POLRMT: variants seen among roughly 807,000 people sequenced by gnomAD.
The protein encoded by POLRMT is RNA polymerase mitochondrial, also known as DNA-directed RNA polymerase, mitochondrial.
Under a neutral mutation model 132.2 loss-of-function variants are expected in POLRMT, and 114 were observed. That is an observed-to-expected ratio of 0.86 (90% CI 0.74 to 1.01). POLRMT has a LOEUF of 1.01. Ranked by LOEUF, POLRMT falls within the 50% of genes least tolerant of loss-of-function variation. POLRMT has a pLI of 0.00. For missense variants in POLRMT, 2,003 were observed against 1,729.1 expected, an observed-to-expected ratio of 1.16 and a Z score of -2.81; for synonymous variants, 1,020 against 773.4, an observed-to-expected ratio of 1.32 and a Z score of -5.29.
rs150912563 is a variant in POLRMT, at chr19:625,990, C to T, written c.823-736G>A. Among the ~76,000 whole-genome samples, 57 of 152,180 alleles carry T rather than the reference C, an allele frequency of 3.7e-4. No homozygotes were observed. In the East Asian group the frequency reaches 8.7e-3, roughly 23 times the overall value. ...TGCTGGGATGACAGGTGTGCACCAC[C>T]GCGCCCGGCCATCACCTTTCCGAAT... On this transcript the variant is annotated intron_variant, in intron 3 of 20. Coordinates refer to ENST00000588649, the MANE Select transcript of POLRMT (RefSeq NM_005035.4).
intron 3 of POLRMT, among the ~76,000 whole-genome samples, chr19:626,248 T>A (rs955971586): frequency 1.3e-4 from 20 of 151,530 alleles, no homozygotes; most frequent in Non-Finnish European, 2.9e-4. Flanking sequence ...GCCTCCCGGG[T>A]TCAACCGATT....
intron 13 of POLRMT, 65 bp downstream of exon 13, chr19:619,521 A>T: frequency 6.3e-7 from 1 of 1,587,930 alleles, no homozygotes; most frequent in Middle Eastern, 1.8e-4. Flanking sequence ...GGTCGGGGGC[A>T]CACCCGTCTG....
At chr19:623,340 C>A (rs962976867) in intron 6 of POLRMT, 114 bp downstream of exon 6, 2 of 1,479,062 alleles carry the variant, frequency 1.4e-6, no homozygotes, top group Non-Finnish European at 1.8e-6. Flanking sequence ...GGCGGACACG[C>A]GACCCCGGCT....
rs57880842 is a variant in POLRMT, at chr19:633,529, G to GGCGCCGCCGCCGCCGCCGCCGCCACC, written c.-18_-17insGGTGGCGGCGGCGGCGGCGGCGGCGC. The GGCGCCGCCGCCGCCGCCGCCGCCACC allele has an allele frequency of 1.4e-6, 2 of 1,463,904 alleles. No homozygotes were observed. The highest frequency in any genetic ancestry group is 1.8e-6 in the Non-Finnish European group (2 of 1,110,048). The allele number at this position is 1,463,904 out of a possible 1,614,324, so 90.7% of individuals were successfully genotyped here. A position where few individuals can be genotyped will look rare whatever the true frequency, so the allele number is the denominator to read the frequency against. On this transcript the variant is annotated 5_prime_UTR_variant, in exon 1 of 21. Transcript: ENST00000588649. ...TGCCGACATTACGCACGCCGCTCCA[G>GGCGCCGCCGCCGCCGCCGCCGCCACC]GCCACCCCACCGGCCCGCGCCTGCG...
chr19:628,953 G>A (rs182150275), intron 3 of POLRMT, among the ~76,000 whole-genome samples: 174 of 152,162 alleles, frequency 1.1e-3, no homozygotes, highest in African/African-American at 3.3e-3. Flanking sequence ...GCCATGAGCC[G>A]AGATCGCACC....
Position 621,085 on chromosome 19 carries a change from G to A in POLRMT, c.2613C>T (p.Ile871=), listed in dbSNP as rs779134507. 1.6e-5 allele frequency: 26 copies of A among 1,609,018 alleles called. No individual in the cohort carries two copies. The highest frequency in any genetic ancestry group is 7.7e-5 in the South Asian group (7 of 90,870). The change falls in exon 10 of 21, where the codon ATC becomes ATT. Residue 871 remains isoleucine (I), a synonymous_variant. Coordinates refer to ENST00000588649, the MANE Select transcript of POLRMT (RefSeq NM_005035.4). ...LAFAEEVMDD[I]LDSADQPLTG... Reference sequence around the variant, plus strand: ...TCAAGGGTTGGTCCGCGGAGTCCAGGATGTCATCCATCACCTCCTCCGCAA... The same window carrying A: ...TCAAGGGTTGGTCCGCGGAGTCCAGAATGTCATCCATCACCTCCTCCGCAA...
chr19:625,046 C>G, intron 4 of POLRMT, 78 bp downstream of exon 4: 1 of 1,532,436 alleles, frequency 6.5e-7, no homozygotes, highest in South Asian at 1.2e-5. Context: ...CCCCAGCCCC[C>G]AGCCCAGGCA....
At position 629,868 on chromosome 19, in the gene POLRMT, C is replaced by T. The variant is rs751778938; in HGVS notation, c.494G>A (p.Arg165Gln). 21 of 1,609,564 alleles carry T rather than the reference C, an allele frequency of 1.3e-5. No individual in the cohort carries two copies. The highest frequency in any genetic ancestry group is 1.8e-4 in the Middle Eastern group (1 of 5,490). The change falls in exon 3 of 21, where the codon CGG (arginine) becomes CAG (glutamine). Residue 165 changes from arginine (R) to glutamine (Q), a missense_variant. Physicochemically the swap from Arg to Gln is conservative, Grantham distance 43. Transcript: ENST00000588649. ...ALTRRLQVEP[R>Q]LLSKQMAGCL... ...CCCGGCCATCTGCTTGCTCAGGAGC[C>T]GGGGCTCCACCTGCAGGCGCCTGGT...
chr19:618,523 G>C lies in POLRMT; in HGVS notation c.3387C>G (p.Ser1129=). The C allele has an allele frequency of 6.2e-7, 1 of 1,613,128 alleles. No homozygotes were observed. Among genetic ancestry groups the C allele is most frequent in the Non-Finnish European group, 8.5e-7 (1 of 1,179,400 alleles). ...GCAGGGCGGTGAGCATCATGTGGGA[G>C]GAGTCCAGCGAGTGGATGAAGTTGG... The part of the protein sequence containing the change: ...FPPNFIHSLD[S]SHMMLTALHC... The change falls in exon 17 of 21, where the codon TCC becomes TCG. Residue 1129 remains serine, a synonymous_variant. Coordinates refer to ENST00000588649, the MANE Select transcript of POLRMT (RefSeq NM_005035.4).
At chr19:622,472 G>A (rs943296405) in intron 8 of POLRMT, 99 bp from the exon 9 acceptor site, 588 of 1,467,516 alleles carry the variant, frequency 4.0e-4, no homozygotes, top group Admixed American at 9.7e-4. Context: ...GTCAGCCCAA[G>A]CATACAGATG....
At position 619,628 on chromosome 19, in the gene POLRMT, C is replaced by T. The variant is rs1328816137; in HGVS notation, c.3024G>A (p.Leu1008=). 1.9e-6 allele frequency: 3 copies of T among 1,610,780 alleles called. No homozygotes were observed. The highest frequency in any genetic ancestry group is 1.1e-5 in the South Asian group (1 of 90,992). Residue 1008 remains leucine, a synonymous_variant, in exon 13 of 21, where the codon CTG becomes CTA. Transcript: ENST00000588649. ...GCTCCCGGAGGCGCTTCTCAATCTG[C>T]AGGCGCCCGCCATAGCGCGTGACCC... ...VYGVTRYGGR[L]QIEKRLRELS...
At chr19:617,894 G>C (rs1984128999) in intron 17 of POLRMT, 45 bp from the exon 18 acceptor site, 1 of 1,568,184 alleles carries the variant, frequency 6.4e-7, no homozygotes, top group Non-Finnish European at 8.8e-7. Flanking sequence ...AGCTCACAGG[G>C]CCACCCAGTG....
chr19:628,203 A>G (rs1985159619), intron 3 of POLRMT, among the ~76,000 whole-genome samples: 1 of 152,180 alleles, frequency 6.6e-6, no homozygotes, highest in South Asian at 2.1e-4. Flanking sequence ...GCTCGTGCTA[A>G]GAGTGCGTTT....
intron 3 of POLRMT, among the ~76,000 whole-genome samples, chr19:626,982 T>C (rs1985069554): frequency 6.6e-6 from 1 of 151,740 alleles, no homozygotes; most frequent in Admixed American, 6.6e-5. Context: ...CTGAGCAATT[T>C]CTCCTTTGAC....
At chr19:619,354 TC>T in intron 13 of POLRMT, 58 bp from the exon 14 acceptor site, 1 of 1,553,354 alleles carries the variant, frequency 6.4e-7, no homozygotes. Flanking sequence ...CACGCCCTAC[TC>T]CCCCCTATTT....
intron 12 of POLRMT, 61 bp from the exon 13 acceptor site, chr19:619,826 G>A: frequency 6.5e-7 from 1 of 1,549,596 alleles, no homozygotes. Context: ...GGGCCACCAA[G>A]CACCCATGAA....
rs773746279 is a variant in POLRMT at position 621,192 on chromosome 19, G to A, written c.2506C>T (p.His836Tyr). Residue 836 changes from histidine to tyrosine, a missense_variant, in exon 10 of 21, where the codon CAC becomes TAC. Physicochemically the swap from His to Tyr is moderately conservative, Grantham distance 83. Coordinates refer to ENST00000588649, the MANE Select transcript of POLRMT (RefSeq NM_005035.4). ...EFAQGRPLGP[H>Y]GLDWLKIHLV... ...TGGATCTTGAGCCAATCCAGGCCGT[G>A]CGGGCCGAGCGGGCGGCCCTGGGCG... The A allele has an allele frequency of 6.2e-7, 1 of 1,610,508 alleles. No homozygotes were observed. Among genetic ancestry groups the A allele is most frequent in the Non-Finnish European group, 8.5e-7 (1 of 1,178,516 alleles).
Position 631,931 on chromosome 19 carries a change from T to C in POLRMT, c.193+903A>G, listed in dbSNP as rs141988244. On this transcript the variant is annotated intron_variant, in intron 2 of 20. Transcript: ENST00000588649. Reference sequence around the variant, plus strand: ...CTGGCACTGCAGGCGTTCACCACCATGCCCAGCTAATTTTTGTATTTTTAG... The same window carrying C: ...CTGGCACTGCAGGCGTTCACCACCACGCCCAGCTAATTTTTGTATTTTTAG... Among the ~76,000 whole-genome samples, 1,030 of 152,224 alleles carry C rather than the reference T, an allele frequency of 6.8e-3. 6 individuals carry two copies. Among genetic ancestry groups the C allele is most frequent in the African/African-American group, 0.023 (975 of 41,530 alleles).
rs2144582299 is a variant in POLRMT at position 619,252 on chromosome 19, G to A, written c.3111C>T (p.Phe1037=). ...EASHYLVRQV[F]KSLQEMFSGT... is the part of the protein sequence containing the mutation. The stretch of plus-strand genomic sequence containing the variant: ...CCGAGAACATCTCCTGTAGACTCTT[G>A]AAGACCTGGCGTACGAGATAGTGAG... The change falls in exon 14 of 21, where the codon TTC becomes TTT. Residue 1037 remains phenylalanine, a synonymous_variant. Transcript: ENST00000588649. The A allele has an allele frequency of 1.2e-6, 2 of 1,607,784 alleles. No individual in the cohort carries two copies. The highest frequency in any genetic ancestry group is 1.7e-6 in the Non-Finnish European group (2 of 1,178,786).
Sources: allele counts gnomAD v4.1 joint callset (sites outside exome capture counted in the v4.1 genomes callset), GRCh38; gene constraint gnomAD v4.1.1; transcripts MANE v1.5; gene names NCBI Gene and HGNC (gene_info 2026-07-23, HGNC 2026-07-21).